NRG1: variants seen among roughly 807,000 people sequenced by gnomAD.
The protein encoded by NRG1 is neuregulin 1.
In NRG1, 18 loss-of-function variants were observed where a neutral mutation model predicts 63.8. The observed-to-expected ratio is 0.28, with a 90% CI of 0.19 to 0.42. The LOEUF is 0.42. Among genes scored for constraint, NRG1 ranks in the 10% least tolerant of loss-of-function variants. The pLI, the probability that NRG1 is intolerant of heterozygous loss-of-function variation, is 1.00. For synonymous variants in NRG1, 302 were observed against 301.3 expected, an observed-to-expected ratio of 1.00 and a Z score of -0.02; for missense variants, 762 against 814.7, an observed-to-expected ratio of 0.94 and a Z score of 0.79.
At chr8:31,869,416 C>G (rs80200473) in intron 1 of NRG1, among the ~76,000 whole-genome samples, 4 of 152,170 alleles carry the variant, frequency 2.6e-5, no homozygotes, top group African/African-American at 9.7e-5. Context: ...AGAGTCATCT[C>G]TGATGCAGCC....
intron 1 of NRG1, among the ~76,000 whole-genome samples, chr8:31,717,547 C>T (rs571102581): frequency 2.8e-4 from 42 of 152,182 alleles, no homozygotes; most frequent in African/African-American, 9.2e-4. Context: ...TGAATTGTCC[C>T]TGCTCCAGTC....
intron 1 of NRG1, among the ~76,000 whole-genome samples, chr8:31,856,321 C>G (rs1386903151): frequency 6.6e-6 from 1 of 152,046 alleles, no homozygotes; most frequent in Non-Finnish European, 1.5e-5. Context: ...TCTTTTTATT[C>G]TTTTTTCTCT....
At chr8:32,235,876 C>CA (rs1050219338) in intron 1 of NRG1, among the ~76,000 whole-genome samples, 6 of 152,084 alleles carry the variant, frequency 3.9e-5, no homozygotes, top group Admixed American at 1.3e-4. Context: ...TTACTGAATA[C>CA]CTATAGTTGA....
intron 1 of NRG1, among the ~76,000 whole-genome samples, chr8:32,421,753 A>G (rs1816722631): frequency 6.6e-6 from 1 of 152,360 alleles, no homozygotes; most frequent in Non-Finnish European, 1.5e-5. Context: ...TCGCATACAC[A>G]GTGCAACATC....
intron 1 of NRG1, among the ~76,000 whole-genome samples, chr8:32,560,696 T>C (rs1460214318): frequency 6.6e-6 from 1 of 152,230 alleles, no homozygotes; most frequent in Non-Finnish European, 1.5e-5. Context: ...GTGTAAGTCA[T>C]AATCAGTGCT....
chr8:32,533,803 T>C (rs1831693906), intron 1 of NRG1, among the ~76,000 whole-genome samples: 1 of 152,230 alleles, frequency 6.6e-6, no homozygotes, highest in East Asian at 1.9e-4. Context: ...CACATGTTTA[T>C]GTATAAGTTT....
intron 1 of NRG1, among the ~76,000 whole-genome samples, chr8:31,827,994 AT>A (rs1254570626): frequency 2.0e-5 from 3 of 152,206 alleles, no homozygotes; most frequent in Non-Finnish European, 4.4e-5. Flanking sequence ...AGGAAATTTA[AT>A]TTTAAAAACT....
At chr8:32,677,118 G>A (rs537887275) in intron 5 of NRG1, among the ~76,000 whole-genome samples, 1 of 152,168 alleles carries the variant, frequency 6.6e-6, no homozygotes, top group East Asian at 1.9e-4. Flanking sequence ...TGAAAAATAT[G>A]TAAAATTATG....
At chr8:32,763,287 A>C in intron 11 of NRG1, 1 of 1,613,896 alleles carries the variant, frequency 6.2e-7, no homozygotes, top group East Asian at 2.2e-5. Context: ...TCCAGCTATC[A>C]GCAACTCATC....
intron 1 of NRG1, among the ~76,000 whole-genome samples, chr8:32,247,549 A>G (rs1195123760): frequency 6.6e-6 from 1 of 152,140 alleles, no homozygotes; most frequent in East Asian, 1.9e-4. Context: ...TTCAGATGCA[A>G]TAGATATCAC....
At chr8:31,670,501 G>C (rs904609935) in intron 1 of NRG1, among the ~76,000 whole-genome samples, 1 of 151,914 alleles carries the variant, frequency 6.6e-6, no homozygotes, top group South Asian at 2.1e-4. Context: ...GATACCGAAA[G>C]GTGGTAAACA....
chr8:32,280,516 G>A (rs1586591336), intron 1 of NRG1, among the ~76,000 whole-genome samples: 1 of 152,046 alleles, frequency 6.6e-6, no homozygotes, highest in South Asian at 2.1e-4. Flanking sequence ...GAGGTACCTA[G>A]AATAGGCAAA....
At chr8:32,740,397 T>C (rs370703375) in intron 6 of NRG1, among the ~76,000 whole-genome samples, 1 of 152,048 alleles carries the variant, frequency 6.6e-6, no homozygotes, top group East Asian at 1.9e-4. Flanking sequence ...GGTTTCGCCA[T>C]GTTGGCCAGG....
rs530004100 is a variant in NRG1, at chr8:32,390,436, C to A, written c.38-205392C>A. ...TCTCTACAAAAAATAAACAACCAGG[C>A]GTGGTGATGAGCACCTGTAGTCCAG... On this transcript the variant is annotated intron_variant, in intron 1 of 10. Transcript: ENST00000519301. Among the ~76,000 whole-genome samples, 9 of 151,674 alleles carry A rather than the reference C, an allele frequency of 5.9e-5. No homozygotes were observed. The South Asian group carries it at 1.9e-3, about 32-fold the overall frequency.
At chr8:32,172,342 T>C (rs146402794) in intron 1 of NRG1, among the ~76,000 whole-genome samples, 4,383 of 152,130 alleles carry the variant, frequency 0.029, 182 homozygotes, top group African/African-American at 0.099. Flanking sequence ...AAAACCCCAT[T>C]TATACATCAC....
At chr8:32,129,503 A>G (rs1349522998) in intron 1 of NRG1, among the ~76,000 whole-genome samples, 9 of 151,922 alleles carry the variant, frequency 5.9e-5, no homozygotes, top group East Asian at 3.9e-4. Context: ...AAGGAAACCA[A>G]TCACATTGGA....
Position 31,864,957 on chromosome 8 carries a change from C to T in NRG1, c.37+225526C>T, listed in dbSNP as rs541641479. ...TTTTCTAACTTTCTCAAAAATGCTA[C>T]GTTCACCTACATCTTATCAAAGAAG... On this transcript the variant is annotated intron_variant, in intron 1 of 10. Coordinates refer to the NRG1 transcript ENST00000519301. Among the ~76,000 whole-genome samples, 15 of 152,208 alleles carry T rather than the reference C, an allele frequency of 9.9e-5. No homozygotes were observed. The South Asian group carries it at 2.1e-3, about 21-fold the overall frequency.
chr8:32,325,655 A>G (rs1324600357), intron 1 of NRG1, among the ~76,000 whole-genome samples: 2 of 152,236 alleles, frequency 1.3e-5, no homozygotes, highest in Non-Finnish European at 2.9e-5. Context: ...CTGGGAATAT[A>G]GGCATGTGCC....
chr8:32,020,662 T>C (rs1198894385), intron 1 of NRG1, among the ~76,000 whole-genome samples: 1 of 152,224 alleles, frequency 6.6e-6, no homozygotes, highest in Non-Finnish European at 1.5e-5. Flanking sequence ...TTAATTGAAT[T>C]TCTTTGGCCT....
Sources: allele counts gnomAD v4.1 joint callset (sites outside exome capture counted in the v4.1 genomes callset), GRCh38; gene constraint gnomAD v4.1.1; transcripts MANE v1.5; gene names NCBI Gene and HGNC (gene_info 2026-07-23, HGNC 2026-07-21).